The following EPHA6 variants were observed in gnomAD, a reference collection of about 807,000 sequenced individuals.
The protein encoded by EPHA6 is EPH receptor A6.
Under a neutral mutation model 112.0 loss-of-function variants are expected in EPHA6, and 50 were observed. The ratio of observed to expected loss-of-function variants is 0.45; its 90% CI spans 0.36 to 0.56. The LOEUF is 0.56. EPHA6 is among the 20% of genes least tolerant of loss of function. The pLI is 0.00. For missense variants in EPHA6, 1,280 were observed against 1,417.4 expected, an observed-to-expected ratio of 0.90 and a Z score of 1.56; for synonymous variants, 529 against 490.7, an observed-to-expected ratio of 1.08 and a Z score of -1.03.
At chr3:97,698,452 C>CTTT (rs1475975083) in intron 14 of EPHA6, among the ~76,000 whole-genome samples, 1 of 150,382 alleles carries the variant, frequency 6.6e-6, no homozygotes, top group Admixed American at 6.6e-5. Context: ...ACTACAAATT[C>CTTT]CTCTTCCTTG....
At chr3:96,910,724 G>A (rs188337523) in intron 2 of EPHA6, among the ~76,000 whole-genome samples, 1 of 152,082 alleles carries the variant, frequency 6.6e-6, no homozygotes, top group Admixed American at 6.6e-5. Context: ...TATGGGAAGA[G>A]GGCTTTACTC....
intron 5 of EPHA6, among the ~76,000 whole-genome samples, chr3:97,379,712 C>T (rs1284274258): frequency 7.3e-6 from 1 of 137,036 alleles, no homozygotes; most frequent in Non-Finnish European, 1.5e-5. Context: ...TCGTGCCATT[C>T]CACTCCAGCC....
At chr3:97,487,764 C>T (rs1230358366) in intron 10 of EPHA6, among the ~76,000 whole-genome samples, 1 of 152,036 alleles carries the variant, frequency 6.6e-6, no homozygotes, top group Non-Finnish European at 1.5e-5. Flanking sequence ...TGAAAATGCA[C>T]ATTTCCATTT....
At chr3:97,245,139 CT>C (rs2078951537) in intron 5 of EPHA6, among the ~76,000 whole-genome samples, 1 of 152,014 alleles carries the variant, frequency 6.6e-6, no homozygotes, top group Admixed American at 6.6e-5. Context: ...CATTTGTTTG[CT>C]AAGGCAGCCA....
intron 11 of EPHA6, among the ~76,000 whole-genome samples, chr3:97,561,341 T>G (rs1395514059): frequency 3.9e-5 from 6 of 151,934 alleles, no homozygotes; most frequent in Non-Finnish European, 8.8e-5. Flanking sequence ...GCAAAGGGAG[T>G]ATTTTGAAGA....
rs377099680 is a variant in EPHA6, at chr3:97,714,330, G to A, written c.2785-5931G>A. Among the ~76,000 whole-genome samples the A allele has an allele frequency of 3.2e-4, 49 of 152,304 alleles. 1 individual carries two copies. The South Asian group carries it at 7.9e-3, about 24-fold the overall frequency. ...AAATGTTATCTAGAAGCCAAAATAT[G>A]AGAAGTTTCTCCTTTGTAGCTATAA... On this transcript the variant is annotated intron_variant, in intron 14 of 17. Transcript: ENST00000389672.
At chr3:96,937,261 A>T (rs2040642585) in intron 2 of EPHA6, among the ~76,000 whole-genome samples, 1 of 152,190 alleles carries the variant, frequency 6.6e-6, no homozygotes, top group Non-Finnish European at 1.5e-5. Flanking sequence ...CATCCTCTTC[A>T]GCACCTGTTG....
At chr3:97,382,328 G>A (rs1266651368) in intron 5 of EPHA6, among the ~76,000 whole-genome samples, 2 of 151,998 alleles carry the variant, frequency 1.3e-5, no homozygotes, top group Non-Finnish European at 2.9e-5. Flanking sequence ...TCTTCAATAA[G>A]TTCCCATCTT....
At chr3:97,271,055 G>A (rs976792397) in intron 5 of EPHA6, among the ~76,000 whole-genome samples, 1 of 152,140 alleles carries the variant, frequency 6.6e-6, no homozygotes, top group African/African-American at 2.4e-5. Flanking sequence ...CTTCACCTGT[G>A]ACAATTAGAG....
chr3:97,433,810 A>G (rs2125330), intron 6 of EPHA6, among the ~76,000 whole-genome samples: 18,743 of 152,030 alleles, frequency 0.12, 3,714 homozygotes, highest in African/African-American at 0.41. Flanking sequence ...GCAGTACCAA[A>G]CATATCCGTT....
intron 3 of EPHA6, among the ~76,000 whole-genome samples, chr3:97,180,788 C>T (rs531722513): frequency 1.6e-3 from 237 of 152,164 alleles, no homozygotes; most frequent in Admixed American, 2.9e-3. Flanking sequence ...GAAGGGGTCT[C>T]TTTTGGAACT....
intron 5 of EPHA6, among the ~76,000 whole-genome samples, chr3:97,253,521 A>T (rs751833822): frequency 9.2e-5 from 14 of 152,156 alleles, no homozygotes; most frequent in Non-Finnish European, 1.9e-4. Flanking sequence ...TTCCCCTCGA[A>T]ATAATTATTA....
intron 12 of EPHA6, among the ~76,000 whole-genome samples, chr3:97,598,100 G>A (rs1032446611): frequency 2.6e-5 from 4 of 151,654 alleles, no homozygotes; most frequent in African/African-American, 9.7e-5. Context: ...CATATTTTCA[G>A]ACATTCTTTA....
chr3:97,163,755 G>T (rs1267279777), intron 3 of EPHA6, among the ~76,000 whole-genome samples: 1 of 152,146 alleles, frequency 6.6e-6, no homozygotes, highest in Non-Finnish European at 1.5e-5. Context: ...CACTGGCAAA[G>T]AAGACTCATC....
At position 97,122,955 on chromosome 3, in the gene EPHA6, G is replaced by A. The variant is rs114463806; in HGVS notation, c.1115-103309G>A. 7.3e-3 allele frequency among the ~76,000 whole-genome samples: 1,111 copies of A among 151,994 alleles called. 3 individuals carry two copies. Among genetic ancestry groups the A allele is most frequent in the Non-Finnish European group, 0.012 (822 of 67,896 alleles). The stretch of plus-strand genomic sequence containing the variant: ...ATTTATAATAACACTGTTTTGTTTA[G>A]ATCTCTTTGTATACAAAGCTTGTCC... On this transcript the variant is annotated intron_variant, in intron 3 of 17. Coordinates refer to ENST00000389672, the MANE Select transcript of EPHA6 (RefSeq NM_001080448.3).
At chr3:96,896,922 C>A (rs970364467) in intron 2 of EPHA6, among the ~76,000 whole-genome samples, 1 of 151,904 alleles carries the variant, frequency 6.6e-6, no homozygotes, top group Admixed American at 6.6e-5. Context: ...AAAGTTACCA[C>A]AAAATTAAAA....
chr3:97,489,928 T>C, intron 10 of EPHA6, among the ~76,000 whole-genome samples: 1 of 152,278 alleles, frequency 6.6e-6, no homozygotes, highest in Middle Eastern at 3.4e-3. Context: ...AGACTTTCAA[T>C]TAATTTTTGT....
intron 10 of EPHA6, among the ~76,000 whole-genome samples, chr3:97,511,043 C>A (rs987801884): frequency 2.0e-5 from 3 of 152,146 alleles, no homozygotes; most frequent in African/African-American, 7.2e-5. Context: ...CTCCCCCCCA[C>A]CAAGCTGGAG....
intron 5 of EPHA6, 47 bp downstream of exon 5, chr3:97,244,334 G>C (rs1208003605): frequency 6.5e-7 from 1 of 1,527,732 alleles, no homozygotes. Context: ...AATTTCTTTT[G>C]ATGCATAAAT....
Sources: allele counts gnomAD v4.1 joint callset (sites outside exome capture counted in the v4.1 genomes callset), GRCh38; gene constraint gnomAD v4.1.1; transcripts MANE v1.5; gene names NCBI Gene and HGNC (gene_info 2026-07-23, HGNC 2026-07-21).